ROR2: variants seen among roughly 807,000 people sequenced by gnomAD.
The protein encoded by ROR2 is tyrosine-protein kinase transmembrane receptor ROR2.
Under a neutral mutation model 74.9 loss-of-function variants are expected in ROR2, and 33 were observed. The observed-to-expected ratio is 0.44, with a 90% CI of 0.33 to 0.59. The LOEUF (loss-of-function observed/expected upper bound fraction) is 0.59. Among genes scored for constraint, ROR2 ranks in the 20% least tolerant of loss-of-function variants. ROR2 has a pLI of 0.02. For missense variants in ROR2, 1,216 were observed against 1,313.8 expected, an observed-to-expected ratio of 0.93 and a Z score of 1.15; for synonymous variants, 586 against 558.7, an observed-to-expected ratio of 1.05 and a Z score of -0.69.
At chr9:91,877,866 T>C (rs1313298617) in intron 1 of ROR2, among the ~76,000 whole-genome samples, 2 of 152,210 alleles carry the variant, frequency 1.3e-5, no homozygotes, top group African/African-American at 4.8e-5. Context: ...AGATTACATT[T>C]GCAAACAGTT....
chr9:91,942,987 A>G (rs1048059400), intron 1 of ROR2, among the ~76,000 whole-genome samples: 6 of 152,168 alleles, frequency 3.9e-5, no homozygotes, highest in Non-Finnish European at 7.3e-5. Context: ...ACTCATACAT[A>G]TAGTTATGTA....
At chr9:91,819,396 T>C (rs1248308576) in intron 1 of ROR2, among the ~76,000 whole-genome samples, 3 of 152,220 alleles carry the variant, frequency 2.0e-5, no homozygotes, top group Non-Finnish European at 2.9e-5. Flanking sequence ...GATGCACGTG[T>C]CTACGTGTGT....
chr9:91,831,705 C>T, intron 1 of ROR2, among the ~76,000 whole-genome samples: 1 of 145,860 alleles, frequency 6.9e-6, no homozygotes, highest in East Asian at 2.2e-4. Flanking sequence ...ATCTCAGCTA[C>T]TTGGGAGGCT....
At chr9:91,786,921 C>T (rs983884481) in intron 1 of ROR2, among the ~76,000 whole-genome samples, 4 of 152,098 alleles carry the variant, frequency 2.6e-5, no homozygotes, top group Admixed American at 1.3e-4. Flanking sequence ...GACACACTCC[C>T]GGGGAAGGGA....
intron 1 of ROR2, among the ~76,000 whole-genome samples, chr9:91,949,156 C>T (rs1396271094): frequency 6.6e-6 from 1 of 151,588 alleles, no homozygotes; most frequent in Non-Finnish European, 1.5e-5. Context: ...GCGCCCCAGC[C>T]GCTCAGGGAC....
chr9:91,900,572 G>A (rs1252856576), intron 1 of ROR2, among the ~76,000 whole-genome samples: 1 of 152,210 alleles, frequency 6.6e-6, no homozygotes, highest in African/African-American at 2.4e-5. Context: ...CCAAGGAGGC[G>A]GGAAAACGAC....
intron 2 of ROR2, among the ~76,000 whole-genome samples, chr9:91,763,463 C>G (rs1825973588): frequency 6.6e-6 from 1 of 152,204 alleles, no homozygotes; most frequent in Non-Finnish European, 1.5e-5. Context: ...TGCTTCCCTA[C>G]AGCTGTGCCA....
At position 91,722,719 on chromosome 9, in the gene ROR2, T is replaced by C. The variant is rs1836843828; in HGVS notation, c.*943A>G. ...TGTGTAACAGGGGCTGTAAAATGAA[T>C]GGACCTCATGTGCACGTGGTACAGA... On this transcript the variant is annotated 3_prime_UTR_variant, in exon 9 of 9. Coordinates refer to ENST00000375708, the MANE Select transcript of ROR2 (RefSeq NM_004560.4). 2.8e-6 allele frequency: 2 copies of C among 715,398 alleles called. No homozygotes were observed. Among genetic ancestry groups the C allele is most frequent in the South Asian group, 3.0e-5 (2 of 66,390 alleles). The allele number at this position is 715,398 out of a possible 1,614,324, so 44.3% of individuals were successfully genotyped here.
At chr9:91,735,911 C>T (rs753115736) in intron 5 of ROR2, among the ~76,000 whole-genome samples, 56 of 152,084 alleles carry the variant, frequency 3.7e-4, no homozygotes, top group African/African-American at 8.0e-4. Flanking sequence ...CCACCGTGCC[C>T]GGCCACTTTT....
chr9:91,835,705 G>A (rs983094174), intron 1 of ROR2, among the ~76,000 whole-genome samples: 2 of 152,182 alleles, frequency 1.3e-5, no homozygotes, highest in South Asian at 2.1e-4. Flanking sequence ...CAGCAGGGGT[G>A]GGAGGGAAAA....
chr9:91,919,620 C>T (rs756093018), intron 1 of ROR2, among the ~76,000 whole-genome samples: 2 of 152,058 alleles, frequency 1.3e-5, no homozygotes, highest in Non-Finnish European at 2.9e-5. Context: ...AAATGTGTAC[C>T]AGGGTTCCTA....
intron 1 of ROR2, among the ~76,000 whole-genome samples, chr9:91,804,491 A>G (rs1449514727): frequency 6.6e-6 from 1 of 152,020 alleles, no homozygotes; most frequent in African/African-American, 2.4e-5. Context: ...AGGGCTTAGC[A>G]CCCCTGCGGC....
At chr9:91,781,218 G>A (rs140250667) in intron 1 of ROR2, among the ~76,000 whole-genome samples, 92 of 152,288 alleles carry the variant, frequency 6.0e-4, no homozygotes, top group South Asian at 1.2e-3. Flanking sequence ...CAGAAGTCAC[G>A]GCAGGGAAAA....
chr9:91,882,779 A>C (rs555192857), intron 1 of ROR2, among the ~76,000 whole-genome samples: 2 of 152,276 alleles, frequency 1.3e-5, no homozygotes, highest in South Asian at 4.1e-4. Flanking sequence ...TCAGACACAG[A>C]GAGGTGCCCA....
At chr9:91,892,741 C>A (rs901105383) in intron 1 of ROR2, among the ~76,000 whole-genome samples, 3 of 151,920 alleles carry the variant, frequency 2.0e-5, no homozygotes, top group Non-Finnish European at 4.4e-5. Context: ...AGGTGCCCAC[C>A]ACCACACCCG....
At chr9:91,913,316 C>A (rs1831040820) in intron 1 of ROR2, among the ~76,000 whole-genome samples, 1 of 152,304 alleles carries the variant, frequency 6.6e-6, no homozygotes. Context: ...ACAGTAGATA[C>A]CGGTTGAGCA....
intron 7 of ROR2, 141 bp from the exon 8 acceptor site, chr9:91,726,884 G>A: frequency 2.5e-6 from 2 of 788,756 alleles, no homozygotes; most frequent in Non-Finnish European, 4.3e-6. Flanking sequence ...GGGGTAAAAG[G>A]GCACACCACA....
At chr9:91,759,115 C>G (rs1403747159) in intron 2 of ROR2, among the ~76,000 whole-genome samples, 1 of 152,150 alleles carries the variant, frequency 6.6e-6, no homozygotes, top group Non-Finnish European at 1.5e-5. Context: ...TCTGTTGTTA[C>G]AGATTTAATC....
chr9:91,771,702 CTCTCTCTCTCCTCTCTCTCT>C (rs1448916897), intron 2 of ROR2, among the ~76,000 whole-genome samples: 1 of 149,422 alleles, frequency 6.7e-6, no homozygotes, highest in Admixed American at 6.8e-5. Flanking sequence ...CTCTGTCTCT[CTCTCTCTCTCCTCTCTCTCT>C]TCTCTCTCTC....
Sources: gnomAD v4.1 joint callset for allele counts (sites outside exome capture counted in the v4.1 genomes callset) on GRCh38, gnomAD v4.1.1 for gene constraint, MANE v1.5 for transcripts, NCBI Gene and HGNC (gene_info 2026-07-23, HGNC 2026-07-21) for gene names.